The following ZDHHC7 variants were observed in gnomAD, a reference collection of about 807,000 sequenced individuals.
ZDHHC7 encodes the protein zDHHC palmitoyltransferase 7.
A neutral mutation model predicts 34.1 loss-of-function variants in ZDHHC7; 12 were observed. The ratio of observed to expected loss-of-function variants is 0.35; its 90% confidence interval spans 0.23 to 0.57. The LOEUF is 0.57. Ranked by LOEUF, ZDHHC7 falls within the 20% of genes least tolerant of loss-of-function variation. The pLI is 0.84. For missense variants in ZDHHC7, 388 were observed against 402.7 expected, an observed-to-expected ratio of 0.96 and a Z score of 0.31; for synonymous variants, 185 against 155.4, an observed-to-expected ratio of 1.19 and a Z score of -1.42.
chr16:85,012,784 A>T (rs913630669), upstream of ZDHHC7, among the ~76,000 whole-genome samples: 3 of 152,016 alleles, frequency 2.0e-5, no homozygotes, highest in Non-Finnish European at 2.9e-5. Flanking sequence ...GGGCGCCTGT[A>T]ATCTCAGCTA....
At chr16:84,982,048 C>A in intron 3 of ZDHHC7, 54 bp from the exon 4 acceptor site, 1 of 1,607,136 alleles carries the variant, frequency 6.2e-7, no homozygotes. Flanking sequence ...TTAAAAACAT[C>A]AGGCCGGGCG....
chr16:84,991,703 A>G (rs2072511688), intron 2 of ZDHHC7, among the ~76,000 whole-genome samples: 1 of 149,098 alleles, frequency 6.7e-6, no homozygotes, highest in African/African-American at 2.5e-5. Context: ...AGGTCTGACT[A>G]TGTTGCCTGG....
At chr16:84,976,955 G>C (rs1167672971) in intron 7 of ZDHHC7, 140 bp downstream of exon 7, 2 of 1,232,838 alleles carry the variant, frequency 1.6e-6, no homozygotes, top group African/African-American at 1.5e-5. Context: ...AGCAAACACA[G>C]GGAGCTGGTT....
At chr16:84,994,523 T>G (rs1261904439) in intron 2 of ZDHHC7, among the ~76,000 whole-genome samples, 1 of 152,200 alleles carries the variant, frequency 6.6e-6, no homozygotes, top group African/African-American at 2.4e-5. Context: ...AAGCAGGGCC[T>G]CTTGAAAGTC....
Position 84,976,133 on chromosome 16 carries a change from C to T in ZDHHC7, c.*210G>A, listed in dbSNP as rs2072293605. 5 of 634,840 alleles carry T rather than the reference C, an allele frequency of 7.9e-6. No individual in the cohort carries two copies. The highest frequency in any genetic ancestry group is 1.3e-5 in the Non-Finnish European group (5 of 384,176). The allele number at this position is 634,840 out of a possible 1,614,324, so 39.3% of individuals were successfully genotyped here. On this transcript the variant is annotated 3_prime_UTR_variant, in exon 8 of 8. Transcript: ENST00000313732. ...GGCGTTTGGCTTCTTCGTGTGGCCACACACCTTTCCGTTGTTGTACAGGTG... is the reference window on the plus strand; with the variant it reads ...GGCGTTTGGCTTCTTCGTGTGGCCATACACCTTTCCGTTGTTGTACAGGTG...
At chr16:84,978,825 G>T (rs1471156629) in intron 5 of ZDHHC7, among the ~76,000 whole-genome samples, 1 of 143,098 alleles carries the variant, frequency 7.0e-6, no homozygotes, top group Non-Finnish European at 1.5e-5. Flanking sequence ...TCACACCACT[G>T]CACTCCAGCC....
At chr16:84,991,823 TTTGCAAGCC>T (rs1313606972) in intron 2 of ZDHHC7, among the ~76,000 whole-genome samples, 1 of 152,114 alleles carries the variant, frequency 6.6e-6, no homozygotes, top group African/African-American at 2.4e-5. Context: ...AATCCATTCT[TTTGCAAGCC>T]ATCATTTTGA....
At chr16:84,994,065 G>C (rs1023195055) in intron 2 of ZDHHC7, among the ~76,000 whole-genome samples, 2 of 152,052 alleles carry the variant, frequency 1.3e-5, no homozygotes, top group African/African-American at 4.8e-5. Flanking sequence ...TGAAGCCCTG[G>C]GCACGCTCAC....
At chr16:84,985,212 C>G (rs2143599404) in intron 3 of ZDHHC7, among the ~76,000 whole-genome samples, 1 of 152,330 alleles carries the variant, frequency 6.6e-6, no homozygotes, top group South Asian at 2.1e-4. Context: ...TTCTGGTGCC[C>G]CTGCCCACAT....
rs188355853 is a variant in ZDHHC7, at chr16:84,993,620, C to A, written c.-18+2302G>T. On this transcript the variant is annotated intron_variant, in intron 2 of 7. Coordinates refer to ENST00000313732, the MANE Select transcript of ZDHHC7 (RefSeq NM_017740.3). The stretch of plus-strand genomic sequence containing the variant: ...TCCCACCACTGCAGTCCAGCCTGGG[C>A]AACAGAGTAAGTAAGACCCAATGTC... Among the ~76,000 whole-genome samples the A allele has an allele frequency of 2.9e-3, 437 of 152,052 alleles. 2 individuals carry two copies. Among genetic ancestry groups the A allele is most frequent in the African/African-American group, 9.7e-3 (401 of 41,450 alleles).
chr16:85,021,642 CAA>C, the ZDHHC7 span, among the ~76,000 whole-genome samples: 1 of 151,992 alleles, frequency 6.6e-6, no homozygotes, highest in Non-Finnish European at 1.5e-5. Context: ...CACTTGAACC[CAA>C]GAGACGGAGG....
At chr16:84,998,279 T>A (rs946806238) in intron 1 of ZDHHC7, among the ~76,000 whole-genome samples, 7 of 148,056 alleles carry the variant, frequency 4.7e-5, no homozygotes, top group Non-Finnish European at 1.0e-4. Flanking sequence ...AAAAAAAAAA[T>A]TAGAAGATCG....
rs2072355985 is a variant in ZDHHC7 at position 84,980,668 on chromosome 16, C to A, written c.440+1202G>T. On this transcript the variant is annotated intron_variant, in intron 4 of 7. Transcript: ENST00000313732. Reference sequence around the variant, plus strand: ...CTGGGCGACAGAGCAAGACTCCATCCCCCCATCCCCAAAAAATTTATATAC... The same window carrying A: ...CTGGGCGACAGAGCAAGACTCCATCACCCCATCCCCAAAAAATTTATATAC... Among the ~76,000 whole-genome samples, 5 of 152,106 alleles carry A rather than the reference C, an allele frequency of 3.3e-5. 1 individual carries two copies. In the South Asian group the frequency reaches 1.0e-3, roughly 32 times the overall value.
Position 84,977,162 on chromosome 16 carries a change from A to G in ZDHHC7, c.683T>C (p.Leu228Pro). ...AACTGCAGTGAAAGTGAAAAACAGAAGACCCTCAAGGCACAGGAAGATCAA... is the reference window on the plus strand; with the variant it reads ...AACTGCAGTGAAAGTGAAAAACAGAGGACCCTCAAGGCACAGGAAGATCAA... ...ILLIFLCLEG[L>P]LFFTFTAVMF... is the part of the protein sequence containing the mutation. Residue 228 changes from leucine (L) to proline (P), a missense_variant, in exon 7 of 8, where the codon CTT becomes CCT. By Grantham distance (98) the Leu-to-Pro change is moderately conservative (BLOSUM62 -3). Coordinates refer to ENST00000313732, the MANE Select transcript of ZDHHC7 (RefSeq NM_017740.3). The G allele has an allele frequency of 6.2e-7, 1 of 1,614,254 alleles. No homozygotes were observed. Among genetic ancestry groups the G allele is most frequent in the Non-Finnish European group, 8.5e-7 (1 of 1,180,046 alleles).
At chr16:84,984,396 T>C (rs1185367905) in intron 3 of ZDHHC7, among the ~76,000 whole-genome samples, 1 of 152,168 alleles carries the variant, frequency 6.6e-6, no homozygotes, top group Non-Finnish European at 1.5e-5. Context: ...TCCACAATGT[T>C]GCATATATGC....
intron 4 of ZDHHC7, among the ~76,000 whole-genome samples, chr16:84,979,959 T>G (rs1437566604): frequency 6.9e-6 from 1 of 145,032 alleles, no homozygotes; most frequent in African/African-American, 2.6e-5. Flanking sequence ...CTTTTTTTTT[T>G]TTTTTTTTTT....
chr16:84,976,945 A>T, intron 7 of ZDHHC7, 150 bp downstream of exon 7: 1 of 1,209,924 alleles, frequency 8.3e-7, no homozygotes, highest in Non-Finnish European at 1.2e-6. Flanking sequence ...TGAAAGAAAC[A>T]GCAAACACAG....
chr16:85,004,040 A>G (rs925036014), intron 1 of ZDHHC7, among the ~76,000 whole-genome samples: 2 of 152,094 alleles, frequency 1.3e-5, no homozygotes, highest in African/African-American at 4.8e-5. Context: ...ACAAAAAAAG[A>G]TATCTGGAAA....
intron 2 of ZDHHC7, among the ~76,000 whole-genome samples, chr16:84,994,012 G>A (rs943862313): frequency 2.6e-5 from 4 of 152,228 alleles, no homozygotes; most frequent in Admixed American, 2.6e-4. Context: ...AAGCCTGACT[G>A]TCAGGGGGCT....
Sources: gnomAD v4.1 joint callset for allele counts (sites outside exome capture counted in the v4.1 genomes callset) on GRCh38, gnomAD v4.1.1 for gene constraint, MANE v1.5 for transcripts, NCBI Gene and HGNC (gene_info 2026-07-23, HGNC 2026-07-21) for gene names.